The following CSTA variants were observed in gnomAD, a reference collection of about 807,000 sequenced individuals.
CSTA encodes cystatin-A.
In CSTA, 9 loss-of-function variants were observed where a neutral mutation model predicts 9.2. The ratio of observed to expected loss-of-function variants is 0.97; its 90% CI spans 0.59 to 1.70. The LOEUF is 1.70. CSTA is among the 40% of genes most tolerant of loss of function. The probability of loss-of-function intolerance (pLI) is 0.00; values close to 1 mark genes in which losing one functional copy is unlikely to be tolerated. For synonymous variants in CSTA, 36 were observed against 40.6 expected, an observed-to-expected ratio of 0.89 and a Z score of 0.43; for missense variants, 118 against 113.1, an observed-to-expected ratio of 1.04 and a Z score of -0.20.
Position 122,325,277 on chromosome 3 carries a change from G to A in CSTA, c.-16G>A, listed in dbSNP as rs2075164467. Reference sequence around the variant, plus strand: ...TGGTTCCAGCATCCTGTCCAGCAAAGAAGCAATCAGCCAAAATGATACCTG... The same window carrying A: ...TGGTTCCAGCATCCTGTCCAGCAAAAAAGCAATCAGCCAAAATGATACCTG... On this transcript the variant is annotated 5_prime_UTR_variant, in exon 1 of 3. Transcript: ENST00000264474. The A allele has an allele frequency of 6.2e-7, 1 of 1,613,504 alleles. No homozygotes were observed. The highest frequency in any genetic ancestry group is 8.5e-7 in the Non-Finnish European group (1 of 1,179,808).
At chr3:122,331,200 A>T (rs552586100) in intron 1 of CSTA, among the ~76,000 whole-genome samples, 1 of 151,954 alleles carries the variant, frequency 6.6e-6, no homozygotes, top group East Asian at 1.9e-4. Context: ...CACACAGAAC[A>T]TGATTTTTGT....
At chr3:122,341,367 T>A in intron 2 of CSTA, 72 bp from the exon 3 acceptor site, 1 of 1,544,898 alleles carries the variant, frequency 6.5e-7, no homozygotes, top group Non-Finnish European at 8.9e-7. Flanking sequence ...TGTAGACCTG[T>A]GGCTCTCTCA....
At chr3:122,333,540 G>GA (rs1274127478) in intron 1 of CSTA, among the ~76,000 whole-genome samples, 1 of 112,174 alleles carries the variant, frequency 8.9e-6, no homozygotes, top group Non-Finnish European at 1.8e-5. Context: ...AGAAAAGAAA[G>GA]AAGAAAGAAA....
At chr3:122,333,363 T>C (rs1235155476) in intron 1 of CSTA, among the ~76,000 whole-genome samples, 1 of 151,896 alleles carries the variant, frequency 6.6e-6, no homozygotes, top group Non-Finnish European at 1.5e-5. Context: ...TATAAAAAAT[T>C]AGCTGGGAGT....
intron 1 of CSTA, among the ~76,000 whole-genome samples, chr3:122,332,699 C>T (rs991849888): frequency 1.3e-5 from 2 of 152,146 alleles, no homozygotes; most frequent in Admixed American, 6.5e-5. Flanking sequence ...GCCTCCTCCC[C>T]GGCTGGAGAC....
chr3:122,333,653 A>C (rs2075219374), intron 1 of CSTA, among the ~76,000 whole-genome samples: 1 of 150,314 alleles, frequency 6.7e-6, no homozygotes, highest in Non-Finnish European at 1.5e-5. Context: ...AAAGGAAAGG[A>C]AAGGAAGAAA....
intron 1 of CSTA, among the ~76,000 whole-genome samples, chr3:122,333,920 A>G (rs1464225125): frequency 6.6e-6 from 1 of 152,222 alleles, no homozygotes; most frequent in Non-Finnish European, 1.5e-5. Flanking sequence ...TACATTCTCC[A>G]TTCATAAAAT....
chr3:122,341,327 T>C, intron 2 of CSTA, 112 bp from the exon 3 acceptor site: 1 of 1,094,678 alleles, frequency 9.1e-7, no homozygotes, highest in Non-Finnish European at 1.4e-6. Context: ...AGCAATGCTG[T>C]TCCTCAGCAG....
rs1461779240 is a variant in CSTA, at chr3:122,328,528, T to G, written c.66+3170T>G. On this transcript the variant is annotated intron_variant, in intron 1 of 2. Coordinates refer to ENST00000264474, the MANE Select transcript of CSTA (RefSeq NM_005213.4). Reference sequence around the variant, plus strand: ...AAAAAAAAAAAAAAAAAGAGTCACCTAGTTAAGAAGTTAGCTCACCCCCAG... The same window carrying G: ...AAAAAAAAAAAAAAAAAGAGTCACCGAGTTAAGAAGTTAGCTCACCCCCAG... 2.2e-5 allele frequency among the ~76,000 whole-genome samples: 3 copies of G among 138,036 alleles called. No homozygotes were observed. In the East Asian group the frequency reaches 6.5e-4, roughly 30 times the overall value. 90.6% of individuals were successfully genotyped at this position (138,036 alleles called of 152,430 possible).
chr3:122,326,114 G>A (rs1392417928), intron 1 of CSTA, among the ~76,000 whole-genome samples: 3 of 150,052 alleles, frequency 2.0e-5, no homozygotes, highest in Non-Finnish European at 4.5e-5. Context: ...AACTTTTTGA[G>A]TTCAAGCGAT....
intron 1 of CSTA, among the ~76,000 whole-genome samples, chr3:122,331,483 G>A (rs2075204632): frequency 1.3e-5 from 2 of 152,112 alleles, no homozygotes; most frequent in Admixed American, 6.5e-5. Context: ...CAGGAGGGTA[G>A]CTTCAAATAC....
intron 1 of CSTA, among the ~76,000 whole-genome samples, chr3:122,333,332 G>A (rs2075214770): frequency 6.6e-6 from 1 of 152,070 alleles, no homozygotes; most frequent in Admixed American, 6.6e-5. Flanking sequence ...CAAACATGGT[G>A]AAACTCCATC....
intron 1 of CSTA, among the ~76,000 whole-genome samples, chr3:122,329,760 A>T (rs991262474): frequency 6.6e-5 from 10 of 152,216 alleles, no homozygotes; most frequent in Admixed American, 5.2e-4. Flanking sequence ...TCTGGAACAT[A>T]ATATAAAACA....
At chr3:122,338,718 C>T (rs1316426783) in intron 2 of CSTA, among the ~76,000 whole-genome samples, 1 of 151,980 alleles carries the variant, frequency 6.6e-6, no homozygotes, top group East Asian at 1.9e-4. Context: ...TTCTTCATGG[C>T]TGGAAAAGAA....
chr3:122,339,059 G>A (rs1480132012), intron 2 of CSTA, among the ~76,000 whole-genome samples: 3 of 151,972 alleles, frequency 2.0e-5, no homozygotes, highest in Non-Finnish European at 4.4e-5. Flanking sequence ...TTGCTCTGAG[G>A]CACTCTAGAT....
At chr3:122,334,472 C>T (rs1200305169) in intron 1 of CSTA, among the ~76,000 whole-genome samples, 1 of 151,860 alleles carries the variant, frequency 6.6e-6, no homozygotes, top group Non-Finnish European at 1.5e-5. Flanking sequence ...GAGATTCTGT[C>T]TCTTAAATTT....
chr3:122,339,345 C>T (rs2075252438), intron 2 of CSTA, among the ~76,000 whole-genome samples: 1 of 152,198 alleles, frequency 6.6e-6, no homozygotes, highest in African/African-American at 2.4e-5. Flanking sequence ...ATTCTAAGAA[C>T]AGGGCTTATC....
At chr3:122,337,824 T>C in intron 2 of CSTA, 176 bp downstream of exon 2, 2 of 638,774 alleles carry the variant, frequency 3.1e-6, no homozygotes, top group Non-Finnish European at 5.7e-6. Context: ...TGACACCATT[T>C]TTTTTCTTGT....
At chr3:122,331,258 C>T (rs2075203365) in intron 1 of CSTA, among the ~76,000 whole-genome samples, 2 of 152,078 alleles carry the variant, frequency 1.3e-5, no homozygotes, top group African/African-American at 4.8e-5. Context: ...ATCCTGGGCA[C>T]ACCCTGGAAC....
Sources: allele counts gnomAD v4.1 joint callset (sites outside exome capture counted in the v4.1 genomes callset), GRCh38; gene constraint gnomAD v4.1.1; transcripts MANE v1.5; gene names NCBI Gene and HGNC (gene_info 2026-07-23, HGNC 2026-07-21).